INTS4: variants seen among roughly 807,000 people sequenced by gnomAD.
INTS4 encodes the protein integrator complex subunit 4, also known as MSTP093.
Under a neutral mutation model 119.5 loss-of-function variants are expected in INTS4, and 70 were observed. The ratio of observed to expected loss-of-function variants is 0.59; its 90% CI spans 0.48 to 0.71. The LOEUF (loss-of-function observed/expected upper bound fraction) is 0.71. INTS4 is among the 30% of genes least tolerant of loss of function. The pLI, the probability that INTS4 is intolerant of heterozygous loss-of-function variation, is 0.00. For missense variants in INTS4, 867 were observed against 1,173.2 expected, an observed-to-expected ratio of 0.74 and a Z score of 3.81; for synonymous variants, 316 against 419.6, an observed-to-expected ratio of 0.75 and a Z score of 3.02.
chr11:77,881,734 G>A (rs141689545), intron 22 of INTS4, among the ~76,000 whole-genome samples: 453 of 152,282 alleles, frequency 3.0e-3, no homozygotes, highest in Non-Finnish European at 5.4e-3. Context: ...GCAAAGACAA[G>A]CAAGTTCCCT....
At chr11:77,976,539 C>G (rs1030273490) in intron 4 of INTS4, among the ~76,000 whole-genome samples, 5 of 152,106 alleles carry the variant, frequency 3.3e-5, no homozygotes, top group Non-Finnish European at 7.3e-5. Flanking sequence ...GGATCTAGAA[C>G]TAGAAATACC....
At chr11:77,972,053 T>C (rs1855754862) in intron 4 of INTS4, among the ~76,000 whole-genome samples, 1 of 152,190 alleles carries the variant, frequency 6.6e-6, no homozygotes, top group African/African-American at 2.4e-5. Context: ...CTGGCATCCA[T>C]ATAGAAAATC....
Position 77,975,849 on chromosome 11 carries a change from G to A in INTS4, c.471+3147C>T, listed in dbSNP as rs558737896. ...CACGCACCTGTAGTCCCAGCTACTCGGGAGGCTGAGGCAGGAGAATTGCCT... is the reference window on the plus strand; with the variant it reads ...CACGCACCTGTAGTCCCAGCTACTCAGGAGGCTGAGGCAGGAGAATTGCCT... On this transcript the variant is annotated intron_variant, in intron 4 of 22. Transcript: ENST00000534064. 1.3e-4 allele frequency among the ~76,000 whole-genome samples: 20 copies of A among 151,894 alleles called. No homozygotes were observed. In the South Asian group the frequency reaches 3.5e-3, roughly 27 times the overall value.
chr11:77,965,776 G>C (rs1342166455), intron 4 of INTS4, among the ~76,000 whole-genome samples: 1 of 152,156 alleles, frequency 6.6e-6, no homozygotes, highest in Admixed American at 6.5e-5. Context: ...GAATACTGCT[G>C]CAATCAACAT....
intron 16 of INTS4, among the ~76,000 whole-genome samples, chr11:77,906,134 G>T (rs1952945919): frequency 6.6e-6 from 1 of 151,982 alleles, no homozygotes; most frequent in Non-Finnish European, 1.5e-5. Flanking sequence ...TAGTCTTTTG[G>T]AATTTAAACA....
chr11:77,941,234 G>A lies in INTS4; in HGVS notation c.936C>T (p.Val312=). Residue 312 remains valine, a synonymous_variant, in exon 9 of 23, where the codon GTC becomes GTT. Transcript: ENST00000534064. ...AAKLLGSMEQ[V]SSHFLEQTLD... is the part of the protein sequence containing the mutation. The stretch of plus-strand genomic sequence containing the variant: ...GGGTCTGCTCCAAGAAATGAGAACT[G>A]ACTTGCTCCATAGAGCCCTATAAAA... The A allele has an allele frequency of 6.2e-7, 1 of 1,612,164 alleles. No individual in the cohort carries two copies. Among genetic ancestry groups the A allele is most frequent in the Non-Finnish European group, 8.5e-7 (1 of 1,179,444 alleles).
At chr11:77,992,004 T>C (rs1288204988) in intron 1 of INTS4, among the ~76,000 whole-genome samples, 1 of 151,940 alleles carries the variant, frequency 6.6e-6, no homozygotes, top group East Asian at 2.0e-4. Flanking sequence ...TTTGTATTTC[T>C]AGTAGAGACA....
At chr11:77,891,005 C>A (rs1187956472) in intron 21 of INTS4, among the ~76,000 whole-genome samples, 1 of 152,164 alleles carries the variant, frequency 6.6e-6, no homozygotes, top group East Asian at 1.9e-4. Context: ...CTTAACGTCA[C>A]ATTACAAGAT....
At position 77,978,976 on chromosome 11, in the gene INTS4, A is replaced by T. The variant is rs747840949; in HGVS notation, c.471+20T>A. 25 of 1,496,666 alleles carry T rather than the reference A, an allele frequency of 1.7e-5. No homozygotes were observed. Among genetic ancestry groups the T allele is most frequent in the Non-Finnish European group, 2.3e-5 (25 of 1,073,854 alleles). The allele number at this position is 1,496,666 out of a possible 1,614,324, so 92.7% of individuals were successfully genotyped here. ...CAGTTACCAGTTTAGGATGGATCTG[A>T]ATAGATTTTATACTCTTACCTTGCA... On this transcript the variant is annotated intron_variant, in intron 4 of 22. Coordinates refer to ENST00000534064, the MANE Select transcript of INTS4 (RefSeq NM_033547.4).
chr11:77,876,058 G>A (rs72939436), downstream of INTS4, among the ~76,000 whole-genome samples: 1,200 of 152,210 alleles, frequency 7.9e-3, 12 homozygotes, highest in Middle Eastern at 0.024. Flanking sequence ...CACTTAAGGA[G>A]GGCTGATGGT....
At chr11:77,962,402 A>G (rs559280292) in intron 4 of INTS4, among the ~76,000 whole-genome samples, 74 of 152,210 alleles carry the variant, frequency 4.9e-4, no homozygotes, top group Non-Finnish European at 9.0e-4. Context: ...TACTATCAAT[A>G]TTTTTTATTT....
chr11:77,973,314 T>A lies in INTS4; in HGVS notation c.471+5682A>T, dbSNP rs1371598619. On this transcript the variant is annotated intron_variant, in intron 4 of 22. Transcript: ENST00000534064. ...TCAAACAGTTTTTTAGTGGATTCCC[T>A]AAGATTTTCTACATACAAGGTTATG... is the stretch of plus-strand genomic sequence containing the variant. Among the ~76,000 whole-genome samples the A allele has an allele frequency of 3.3e-5, 5 of 152,366 alleles. No individual in the cohort carries two copies. The East Asian group carries it at 9.6e-4, about 29-fold the overall frequency.
chr11:77,984,606 G>A (rs776821425), intron 2 of INTS4, among the ~76,000 whole-genome samples: 1 of 152,006 alleles, frequency 6.6e-6, no homozygotes, highest in African/African-American at 2.4e-5. Context: ...GATGAAAAGA[G>A]TTCTGGAGAT....
At chr11:77,874,616 G>A (rs1163122887), downstream of INTS4, among the ~76,000 whole-genome samples, 2 of 152,154 alleles carry the variant, frequency 1.3e-5, no homozygotes, top group African/African-American at 4.8e-5. Flanking sequence ...AGAGCTTGAA[G>A]GGAAGCTGTT....
In INTS4 at chr11:77,923,456, AAT is replaced by A. The variant is rs1953415709; in HGVS notation, c.1515-987_1515-986del. ...CAGACTTATTGGCTAAGATATTTTT[AAT>A]CAGATTGTCTTTTTTATTTGTGGGC... On this transcript the variant is annotated intron_variant, in intron 12 of 22. Coordinates refer to ENST00000534064, the MANE Select transcript of INTS4 (RefSeq NM_033547.4). Among the ~76,000 whole-genome samples, 3 of 152,094 alleles carry A rather than the reference AAT, an allele frequency of 2.0e-5. No individual in the cohort carries two copies. In the South Asian group the frequency reaches 6.2e-4, roughly 31 times the overall value.
At chr11:77,953,995 GT>G (rs1209501277) in intron 8 of INTS4, among the ~76,000 whole-genome samples, 2 of 151,738 alleles carry the variant, frequency 1.3e-5, no homozygotes, top group African/African-American at 4.8e-5. Context: ...TGTATTTTTA[GT>G]AGAGACGGGG....
chr11:77,887,114 G>T (rs1952047735), intron 21 of INTS4, among the ~76,000 whole-genome samples: 1 of 151,974 alleles, frequency 6.6e-6, no homozygotes, highest in Admixed American at 6.6e-5. Flanking sequence ...AGAACTGAAG[G>T]AAATAGAGAC....
intron 22 of INTS4, among the ~76,000 whole-genome samples, chr11:77,881,283 G>T (rs1380581343): frequency 6.6e-5 from 10 of 152,202 alleles, no homozygotes; most frequent in Admixed American, 6.5e-4. Flanking sequence ...TTGAAACATG[G>T]TCTATGACTG....
chr11:77,963,020 GC>G (rs1409618815), intron 4 of INTS4, among the ~76,000 whole-genome samples: 1 of 151,826 alleles, frequency 6.6e-6, no homozygotes, highest in Non-Finnish European at 1.5e-5. Context: ...CTCAAACCGC[GC>G]CCCCTAAAAT....
Sources: allele counts gnomAD v4.1 joint callset (sites outside exome capture counted in the v4.1 genomes callset), GRCh38; gene constraint gnomAD v4.1.1; transcripts MANE v1.5; gene names NCBI Gene and HGNC (gene_info 2026-07-23, HGNC 2026-07-21).